Variants in ANP32B observed in about 807,000 individuals in gnomAD.
ANP32B encodes acidic nuclear phosphoprotein 32 family member B, also known as acidic leucine-rich nuclear phosphoprotein 32 family member B.
A neutral mutation model predicts 32.2 loss-of-function variants in ANP32B; 6 were observed. The observed-to-expected ratio is 0.19, with a 90% CI of 0.10 to 0.37. The LOEUF (loss-of-function observed/expected upper bound fraction) is 0.37, where lower values mean the gene tolerates loss of function less well. Ranked by LOEUF, ANP32B falls within the 10% of genes least tolerant of loss-of-function variation. ANP32B has a pLI of 1.00. For missense variants in ANP32B, 204 were observed against 289.2 expected (o/e 0.71, Z 2.14); for synonymous variants, 98 against 105.8 (o/e 0.93, Z 0.45).
chr9:98,008,474 T>C (rs1371121571), intron 4 of ANP32B, among the ~76,000 whole-genome samples: 1 of 152,228 alleles, frequency 6.6e-6, no homozygotes, highest in Non-Finnish European at 1.5e-5. Context: ...GAGGATCAAC[T>C]GGTTGAGATC....
chr9:97,983,382 G>A lies in ANP32B; in HGVS notation c.-174G>A. On this transcript the variant is annotated 5_prime_UTR_variant, in exon 1 of 7. Coordinates refer to ENST00000339399, the MANE Select transcript of ANP32B (RefSeq NM_006401.3). ...TTCTCTCCGCTCCCGTGAGTAACTTGGCTCCGGGGGCTCCGCTCGCCTGCC... is the reference window on the plus strand; with the variant it reads ...TTCTCTCCGCTCCCGTGAGTAACTTAGCTCCGGGGGCTCCGCTCGCCTGCC... 1.8e-6 allele frequency: 1 copy of A among 563,272 alleles called. No individual in the cohort carries two copies. The highest frequency in any genetic ancestry group is 3.1e-6 in the Non-Finnish European group (1 of 317,542). The allele number at this position is 563,272 out of a possible 1,614,324, so 34.9% of individuals were successfully genotyped here.
Position 97,983,466 on chromosome 9 carries a change from CGACGGCCCTCGCTGCGCAAGCCGG to C in ANP32B, c.-85_-62del. The C allele has an allele frequency of 1.6e-6, 2 of 1,242,622 alleles. No homozygotes were observed. Among genetic ancestry groups the C allele is most frequent in the Non-Finnish European group, 1.1e-6 (1 of 881,996 alleles). 77.0% of individuals were successfully genotyped at this position (1,242,622 alleles called of 1,614,324 possible). ...GGCCTCCGCCGCTAGCAAACCCTTC[CGACGGCCCTCGCTGCGCAAGCCGG>C]GACGCCTCTCCCCCCTCCGCCCCCG... On this transcript the variant is annotated 5_prime_UTR_variant, in exon 1 of 7. Transcript: ENST00000339399.
At chr9:97,996,568 T>C (rs2131584815) in intron 2 of ANP32B, among the ~76,000 whole-genome samples, 1 of 152,264 alleles carries the variant, frequency 6.6e-6, no homozygotes, top group African/African-American at 2.4e-5. Flanking sequence ...TTTATTTTCT[T>C]CCTATTCCAG....
chr9:98,004,331 A>G (rs745522037), intron 3 of ANP32B, among the ~76,000 whole-genome samples: 2 of 152,202 alleles, frequency 1.3e-5, no homozygotes, highest in East Asian at 1.9e-4. Context: ...CCCAAATACT[A>G]AAAAAGAAGA....
chr9:98,008,889 C>G (rs1479018598), intron 4 of ANP32B, among the ~76,000 whole-genome samples: 1 of 152,138 alleles, frequency 6.6e-6, no homozygotes, highest in Non-Finnish European at 1.5e-5. Context: ...ACCATCCCCC[C>G]ACCCCCAGGC....
chr9:98,006,427 T>A (rs1828084249), intron 4 of ANP32B, among the ~76,000 whole-genome samples: 1 of 149,344 alleles, frequency 6.7e-6, no homozygotes, highest in Non-Finnish European at 1.5e-5. Flanking sequence ...GCACTGCGTA[T>A]TTGTCTCAGT....
chr9:97,999,598 T>A (rs924391254), intron 3 of ANP32B, among the ~76,000 whole-genome samples: 4 of 152,244 alleles, frequency 2.6e-5, no homozygotes, highest in African/African-American at 9.6e-5. Context: ...TTGGGCAAAC[T>A]GCTTCTTCTC....
chr9:97,990,985 C>G (rs549480470), intron 1 of ANP32B, among the ~76,000 whole-genome samples: 42 of 151,458 alleles, frequency 2.8e-4, no homozygotes, highest in African/African-American at 9.5e-4. Flanking sequence ...ATGCCCGGCA[C>G]ATTTTTTTGT....
chr9:98,006,499 C>G (rs1828085970), intron 4 of ANP32B, among the ~76,000 whole-genome samples: 2 of 152,140 alleles, frequency 1.3e-5, no homozygotes, highest in South Asian at 4.1e-4. Flanking sequence ...CGCTGGAGAG[C>G]TTCTTTGAGA....
intron 1 of ANP32B, among the ~76,000 whole-genome samples, chr9:97,984,196 G>A (rs1438651545): frequency 6.6e-6 from 1 of 150,656 alleles, no homozygotes; most frequent in East Asian, 2.0e-4. Context: ...GCCCCCTCGG[G>A]CGCCTGGAGG....
At chr9:97,989,579 A>G (rs1827790709) in intron 1 of ANP32B, among the ~76,000 whole-genome samples, 1 of 152,154 alleles carries the variant, frequency 6.6e-6, no homozygotes, top group Non-Finnish European at 1.5e-5. Flanking sequence ...ATTAGATAGC[A>G]GCTCTGGGAG....
intron 1 of ANP32B, among the ~76,000 whole-genome samples, chr9:97,993,307 A>T (rs1057286009): frequency 1.3e-5 from 2 of 152,220 alleles, no homozygotes; most frequent in African/African-American, 4.8e-5. Flanking sequence ...TAAGTACTCT[A>T]TAATTGATAG....
intron 3 of ANP32B, among the ~76,000 whole-genome samples, chr9:98,003,617 T>A (rs945471232): frequency 6.6e-6 from 1 of 152,236 alleles, no homozygotes; most frequent in Admixed American, 6.5e-5. Flanking sequence ...CAGAACTACA[T>A]AGATACCTTG....
intron 1 of ANP32B, chr9:97,986,616 T>TA (rs1267973509): frequency 6.6e-6 from 1 of 152,278 alleles, no homozygotes; most frequent in Non-Finnish European, 1.5e-5. Context: ...ATCACTCTCT[T>TA]AAAATCACAT....
intron 1 of ANP32B, among the ~76,000 whole-genome samples, chr9:97,993,825 G>A (rs563425244): frequency 3.3e-5 from 5 of 152,198 alleles, no homozygotes; most frequent in African/African-American, 9.6e-5. Flanking sequence ...TGTAGAGGGG[G>A]TTTCACCTTG....
At chr9:98,002,161 G>A (rs1206624103) in intron 3 of ANP32B, 1 of 152,204 alleles carries the variant, frequency 6.6e-6, no homozygotes, top group Non-Finnish European at 1.5e-5. Flanking sequence ...GTATTCTTCA[G>A]TGGGGAAAAA....
At chr9:98,011,245 A>T in intron 4 of ANP32B, 26 bp from the exon 5 acceptor site, 1 of 1,550,088 alleles carries the variant, frequency 6.5e-7, no homozygotes, top group Non-Finnish European at 8.7e-7. Context: ...AGGATATTTA[A>T]TGAATCCCTT....
At chr9:97,990,747 CCCT>C (rs1254033113) in intron 1 of ANP32B, among the ~76,000 whole-genome samples, 2 of 151,984 alleles carry the variant, frequency 1.3e-5, no homozygotes, top group Non-Finnish European at 2.9e-5. Context: ...AAGGAGCTGT[CCCT>C]CCTCCAACAA....
In ANP32B at chr9:98,005,079, A is replaced by T. The variant is rs1448292635; in HGVS notation, c.443A>T (p.Tyr148Phe). ...CCCCAGCTTACCTACTTGGATGGCT[A>T]TGACCGAGAGGACCAGGAAGCACCT... The part of the protein sequence containing the change: ...LLPQLTYLDG[Y>F]DREDQEAPDS... Residue 148 changes from tyrosine to phenylalanine, a missense_variant, in exon 4 of 7, where the codon TAT becomes TTT. Tyr to Phe is a conservative substitution (Grantham distance 22). Coordinates refer to ENST00000339399, the MANE Select transcript of ANP32B (RefSeq NM_006401.3). 1 of 1,614,092 alleles carries T rather than the reference A, an allele frequency of 6.2e-7. No individual in the cohort carries two copies.
Sources: gnomAD v4.1 joint callset for allele counts (sites outside exome capture counted in the v4.1 genomes callset) on GRCh38, gnomAD v4.1.1 for gene constraint, MANE v1.5 for transcripts, NCBI Gene and HGNC (gene_info 2026-07-23, HGNC 2026-07-21) for gene names.